The following ATP8B4 variants were observed in gnomAD, a reference collection of about 807,000 sequenced individuals.
ATP8B4 encodes probable phospholipid-transporting ATPase IM.
A neutral mutation model predicts 145.6 loss-of-function variants in ATP8B4; 133 were observed. The observed-to-expected ratio is 0.91, with a 90% confidence interval of 0.79 to 1.05. The LOEUF is 1.05. ATP8B4 is among the 50% of genes least tolerant of loss of function. The probability of loss-of-function intolerance (pLI) is 0.00; values close to 1 mark genes in which losing one functional copy is unlikely to be tolerated. For synonymous variants in ATP8B4, 507 were observed against 492.9 expected, an observed-to-expected ratio of 1.03 and a Z score of -0.38; for missense variants, 1,458 against 1,425.2, an observed-to-expected ratio of 1.02 and a Z score of -0.37.
intron 1 of ATP8B4, among the ~76,000 whole-genome samples, chr15:50,178,061 C>T (rs2044789927): frequency 6.6e-6 from 1 of 152,138 alleles, no homozygotes; most frequent in South Asian, 2.1e-4. Context: ...ACCCAGTAAT[C>T]CTGTCTTGCC....
rs142372000 is a variant in ATP8B4, at chr15:49,972,901, A to C, written c.1035-111T>G. ...CAAAGTCTCCAGGGGTTAGAGGAAAATGTGGATGCTCTGTCCCTAGGTCCC... is the reference window on the plus strand; with the variant it reads ...CAAAGTCTCCAGGGGTTAGAGGAAACTGTGGATGCTCTGTCCCTAGGTCCC... On this transcript the variant is annotated intron_variant, in intron 12 of 27. Transcript: ENST00000284509. 921 of 1,009,474 alleles carry C rather than the reference A, an allele frequency of 9.1e-4. 3 individuals carry two copies. The African/African-American group carries it at 0.013, about 15-fold the overall frequency. The allele number at this position is 1,009,474 out of a possible 1,614,324, so 62.5% of individuals were successfully genotyped here.
In ATP8B4 at chr15:50,075,632, T is replaced by C. The variant is rs1157993122; in HGVS notation, c.29-1447A>G. Among the ~76,000 whole-genome samples, 3 of 152,142 alleles carry C rather than the reference T, an allele frequency of 2.0e-5. No homozygotes were observed. The South Asian group carries it at 6.2e-4, about 31-fold the overall frequency. ...AACAATATTGGACTGGTGTCAACAG[T>C]TGATGATACCTAAATGGGTTTGCTC... On this transcript the variant is annotated intron_variant, in intron 2 of 27. Coordinates refer to ENST00000284509, the MANE Select transcript of ATP8B4 (RefSeq NM_024837.4).
At chr15:49,913,340 A>C (rs2039427962) in intron 20 of ATP8B4, among the ~76,000 whole-genome samples, 2 of 152,054 alleles carry the variant, frequency 1.3e-5, no homozygotes, top group Admixed American at 6.5e-5. Context: ...CTTCATAAAA[A>C]CTCTCAACAA....
intron 1 of ATP8B4, among the ~76,000 whole-genome samples, chr15:50,117,413 T>C (rs2057187769): frequency 1.3e-5 from 2 of 152,212 alleles, no homozygotes. Flanking sequence ...AGATGGTTAG[T>C]TAACTCTTTT....
intron 6 of ATP8B4, among the ~76,000 whole-genome samples, chr15:50,034,855 T>C (rs576575496): frequency 6.6e-6 from 1 of 152,206 alleles, no homozygotes; most frequent in Non-Finnish European, 1.5e-5. Context: ...TGGCCAGGAA[T>C]AGTTAGCATG....
chr15:49,997,719 A>C (rs2153556763), intron 8 of ATP8B4, among the ~76,000 whole-genome samples: 1 of 152,264 alleles, frequency 6.6e-6, no homozygotes, highest in African/African-American at 2.4e-5. Flanking sequence ...GAAGGCATCC[A>C]ATCTTAACCT....
chr15:50,120,387 T>C (rs2057255812), upstream of ATP8B4, among the ~76,000 whole-genome samples: 1 of 152,262 alleles, frequency 6.6e-6, no homozygotes, highest in East Asian at 1.9e-4. Context: ...ATATTTAAAA[T>C]AAAAAACACT....
chr15:50,027,211 T>C (rs1451507565), intron 6 of ATP8B4, among the ~76,000 whole-genome samples: 1 of 152,232 alleles, frequency 6.6e-6, no homozygotes, highest in Admixed American at 6.5e-5. Flanking sequence ...CACCTCATAC[T>C]TCCTTGCACC....
chr15:49,973,060 G>A (rs2045319646), intron 12 of ATP8B4, among the ~76,000 whole-genome samples: 1 of 152,074 alleles, frequency 6.6e-6, no homozygotes, highest in Non-Finnish European at 1.5e-5. Flanking sequence ...CATTAAACAG[G>A]CCCGGTGGAG....
intron 1 of ATP8B4, among the ~76,000 whole-genome samples, chr15:50,144,208 C>G (rs1375972204): frequency 2.0e-5 from 3 of 152,082 alleles, no homozygotes. Flanking sequence ...AGTCCATTTC[C>G]CAGTATGAAA....
At chr15:49,875,980 T>G (rs1045856196) in intron 25 of ATP8B4, among the ~76,000 whole-genome samples, 1 of 152,190 alleles carries the variant, frequency 6.6e-6, no homozygotes, top group Non-Finnish European at 1.5e-5. Flanking sequence ...TTTTTTTTCT[T>G]CAAATACAAG....
chr15:49,903,006 T>G (rs536454509), intron 20 of ATP8B4, among the ~76,000 whole-genome samples: 4 of 148,480 alleles, frequency 2.7e-5, no homozygotes, highest in Non-Finnish European at 6.1e-5. Flanking sequence ...TACTTAGGAT[T>G]TTTTTCTCCT....
At chr15:50,158,440 G>A (rs1490818870) in intron 1 of ATP8B4, among the ~76,000 whole-genome samples, 2 of 151,352 alleles carry the variant, frequency 1.3e-5, no homozygotes, top group East Asian at 3.9e-4. Context: ...GGGAGGTGGG[G>A]GGTCAGACCC....
chr15:50,018,422 G>A (rs898584468), intron 6 of ATP8B4, among the ~76,000 whole-genome samples: 1 of 152,144 alleles, frequency 6.6e-6, no homozygotes, highest in Admixed American at 6.5e-5. Context: ...GCTGCAAGTG[G>A]AATCAGATAC....
chr15:49,866,509 G>T, intron 25 of ATP8B4, 25 bp from the exon 26 acceptor site: 1 of 1,611,108 alleles, frequency 6.2e-7, no homozygotes, highest in Non-Finnish European at 8.5e-7. Flanking sequence ...AAATGCAAAC[G>T]GGAGGTCTTT....
At chr15:49,870,287 T>C (rs111825291) in intron 25 of ATP8B4, among the ~76,000 whole-genome samples, 216 of 152,256 alleles carry the variant, frequency 1.4e-3, no homozygotes, top group African/African-American at 4.9e-3. Flanking sequence ...TTGTTAAATA[T>C]GTGTGTATGC....
chr15:49,883,677 T>A (rs2035775923), intron 23 of ATP8B4, among the ~76,000 whole-genome samples: 1 of 152,180 alleles, frequency 6.6e-6, no homozygotes, highest in South Asian at 2.1e-4. Context: ...ATACCTTAAA[T>A]GCAAAGGTTT....
At chr15:50,046,834 G>T (rs2051762190) in intron 4 of ATP8B4, among the ~76,000 whole-genome samples, 2 of 152,148 alleles carry the variant, frequency 1.3e-5, no homozygotes, top group South Asian at 4.1e-4. Flanking sequence ...AGGAGAAAAA[G>T]CAAAGGTTAC....
At chr15:50,065,556 C>T (rs1408777110) in intron 3 of ATP8B4, among the ~76,000 whole-genome samples, 1 of 152,106 alleles carries the variant, frequency 6.6e-6, no homozygotes, top group African/African-American at 2.4e-5. Flanking sequence ...GGATTATTTT[C>T]ATGAACCATT....
Sources: gnomAD v4.1 joint callset for allele counts (sites outside exome capture counted in the v4.1 genomes callset) on GRCh38, gnomAD v4.1.1 for gene constraint, MANE v1.5 for transcripts, NCBI Gene and HGNC (gene_info 2026-07-23, HGNC 2026-07-21) for gene names.